The following HSD17B2 variants were observed in gnomAD, a reference collection of about 807,000 sequenced individuals.
HSD17B2 encodes 17-beta-hydroxysteroid dehydrogenase type 2.
Under a neutral mutation model 26.9 loss-of-function variants are expected in HSD17B2, and 32 were observed. That is an observed-to-expected ratio of 1.19 (90% CI 0.90 to 1.60). The LOEUF is 1.60. Ranked by LOEUF, HSD17B2 falls within the 40% of genes most tolerant of loss-of-function variation. The probability of loss-of-function intolerance (pLI) is 0.00; values close to 1 mark genes in which losing one functional copy is unlikely to be tolerated. For missense variants in HSD17B2, 613 were observed against 468.6 expected (o/e 1.31, Z -2.85); for synonymous variants, 246 against 186.7 (o/e 1.32, Z -2.59).
At chr16:82,068,519 C>T in intron 2 of HSD17B2, 137 bp downstream of exon 2, 2 of 683,264 alleles carry the variant, frequency 2.9e-6, no homozygotes, top group East Asian at 5.4e-5. Context: ...GAACCCCTAC[C>T]ATGTGTGGGG....
chr16:82,082,231 C>A (rs1904402117), intron 3 of HSD17B2, among the ~76,000 whole-genome samples: 1 of 152,068 alleles, frequency 6.6e-6, no homozygotes, highest in Non-Finnish European at 1.5e-5. Flanking sequence ...GGCAGAATTT[C>A]CACACCTTCT....
intron 1 of HSD17B2, among the ~76,000 whole-genome samples, chr16:82,038,661 G>C (rs1271509849): frequency 1.3e-5 from 2 of 152,224 alleles, no homozygotes; most frequent in African/African-American, 4.8e-5. Flanking sequence ...ACAGGCTTGG[G>C]TTTGAATCCT....
intron 3 of HSD17B2, among the ~76,000 whole-genome samples, chr16:82,082,620 T>C (rs544006735): frequency 2.6e-5 from 4 of 152,296 alleles, no homozygotes; most frequent in Non-Finnish European, 4.4e-5. Context: ...CTATACACTT[T>C]AGTGTTTTCA....
At chr16:82,059,348 GC>G (rs1156448743) in intron 1 of HSD17B2, among the ~76,000 whole-genome samples, 11 of 152,192 alleles carry the variant, frequency 7.2e-5, no homozygotes, top group Non-Finnish European at 1.2e-4. Context: ...TCCAGACATT[GC>G]CAGATATTCC....
chr16:82,060,838 C>T, intron 1 of HSD17B2, among the ~76,000 whole-genome samples: 1 of 152,186 alleles, frequency 6.6e-6, no homozygotes, highest in East Asian at 1.9e-4. Flanking sequence ...TGATCTTTGG[C>T]TGATTCATCG....
chr16:82,058,159 C>A (rs1914329450), intron 1 of HSD17B2, among the ~76,000 whole-genome samples: 1 of 151,894 alleles, frequency 6.6e-6, no homozygotes, highest in Non-Finnish European at 1.5e-5. Flanking sequence ...CAGCCTCAAC[C>A]TCCTGGGCTC....
chr16:82,050,378 C>T (rs1914071270), intron 1 of HSD17B2, among the ~76,000 whole-genome samples: 1 of 152,024 alleles, frequency 6.6e-6, no homozygotes, highest in African/African-American at 2.4e-5. Flanking sequence ...GAGGCTATTA[C>T]TTTCCAACTG....
intron 1 of HSD17B2, among the ~76,000 whole-genome samples, chr16:82,046,351 A>G (rs1913928085): frequency 6.6e-6 from 1 of 152,160 alleles, no homozygotes; most frequent in South Asian, 2.1e-4. Context: ...GAGGCTTCCT[A>G]TGTGTCAGAT....
intron 3 of HSD17B2, among the ~76,000 whole-genome samples, chr16:82,087,596 T>A (rs1904564304): frequency 6.6e-6 from 1 of 152,248 alleles, no homozygotes; most frequent in Non-Finnish European, 1.5e-5. Context: ...CAAAGCATGC[T>A]TTTTGTTTAG....
intron 3 of HSD17B2, among the ~76,000 whole-genome samples, chr16:82,074,443 T>G (rs8044959): frequency 6.6e-6 from 1 of 152,204 alleles, no homozygotes; most frequent in African/African-American, 2.4e-5. Context: ...GGGAGGCATA[T>G]GTACTCAACA....
At chr16:82,073,369 C>T (rs990991035) in intron 3 of HSD17B2, among the ~76,000 whole-genome samples, 2 of 151,912 alleles carry the variant, frequency 1.3e-5, no homozygotes, top group Admixed American at 6.6e-5. Flanking sequence ...GGACTACAGA[C>T]GCCCCCACCA....
chr16:82,085,442 C>G (rs866221222), intron 3 of HSD17B2, among the ~76,000 whole-genome samples: 1 of 152,168 alleles, frequency 6.6e-6, no homozygotes, highest in Non-Finnish European at 1.5e-5. Flanking sequence ...AGATCAAGCA[C>G]TCTGTAACCC....
intron 1 of HSD17B2, among the ~76,000 whole-genome samples, chr16:82,052,915 C>G (rs1914151936): frequency 6.6e-6 from 1 of 152,176 alleles, no homozygotes; most frequent in Non-Finnish European, 1.5e-5. Flanking sequence ...CTTTCTGCAT[C>G]ATAACATGGT....
intron 1 of HSD17B2, among the ~76,000 whole-genome samples, chr16:82,048,879 T>C (rs532264508): frequency 6.6e-5 from 10 of 152,324 alleles, no homozygotes; most frequent in East Asian, 1.9e-4. Flanking sequence ...GAAATGAGCA[T>C]GCCAAATGCT....
At chr16:82,035,755 C>G (rs1913608930) in intron 1 of HSD17B2, 66 bp downstream of exon 1, 3 of 1,511,382 alleles carry the variant, frequency 2.0e-6, no homozygotes, top group Non-Finnish European at 2.7e-6. Context: ...CTTAGCAGGA[C>G]TTTGTCAAAT....
intron 3 of HSD17B2, among the ~76,000 whole-genome samples, chr16:82,088,386 T>C (rs1329446334): frequency 1.3e-5 from 2 of 152,220 alleles, no homozygotes; most frequent in African/African-American, 4.8e-5. Flanking sequence ...GCAACGATCC[T>C]ATGATGCATG....
At chr16:82,068,500 A>T in intron 2 of HSD17B2, 118 bp downstream of exon 2, 1 of 806,710 alleles carries the variant, frequency 1.2e-6, no homozygotes, top group Non-Finnish European at 2.0e-6. Context: ...CCTGAAGCAC[A>T]CCTGTGCTGA....
In HSD17B2 at chr16:82,068,319, A is replaced by G. The variant is rs1914620743; in HGVS notation, c.415A>G (p.Ile139Val). Residue 139 changes from isoleucine to valine, a missense_variant, in exon 2 of 5, where the codon ATC (isoleucine) becomes GTC (valine). By Grantham distance (29) the Ile-to-Val change is conservative (BLOSUM62 3). Transcript: ENST00000199936. Reference protein sequence around the residue: ...SPRLSVLQMDITKPVQIKDAY... With the variant: ...SPRLSVLQMDVTKPVQIKDAY... The stretch of plus-strand genomic sequence containing the variant: ...GCGCCTCTCGGTGCTCCAAATGGAC[A>G]TCACGAAGCCAGTGCAGATAAAAGA... 1 of 1,613,978 alleles carries G rather than the reference A, an allele frequency of 6.2e-7. No individual in the cohort carries two copies. Among genetic ancestry groups the G allele is most frequent in the African/African-American group, 1.3e-5 (1 of 74,926 alleles).
chr16:82,097,307 CAT>C lies in HSD17B2; in HGVS notation c.803-761_803-760del, dbSNP rs772871020. 37 of 149,084 alleles carry C rather than the reference CAT, an allele frequency of 2.5e-4. 1 individual carries two copies. The South Asian group carries it at 3.4e-3, about 14-fold the overall frequency. The allele number at this position is 149,084 out of a possible 1,614,324, so 9.2% of individuals were successfully genotyped here. On this transcript the variant is annotated intron_variant, in intron 4 of 4. Coordinates refer to ENST00000199936, the MANE Select transcript of HSD17B2 (RefSeq NM_002153.3). ...GTGTGTGTGTGTATATATATATACA[CAT>C]ATATATGTGTGTGTATATATATATA...
Sources: allele counts gnomAD v4.1 joint callset (sites outside exome capture counted in the v4.1 genomes callset), GRCh38; gene constraint gnomAD v4.1.1; transcripts MANE v1.5; gene names NCBI Gene and HGNC (gene_info 2026-07-23, HGNC 2026-07-21).